GGA1: variants seen among roughly 807,000 people sequenced by gnomAD.
GGA1 encodes the protein ADP-ribosylation factor-binding protein GGA1.
A neutral mutation model predicts 76.9 loss-of-function variants in GGA1; 18 were observed. The observed-to-expected ratio is 0.23, with a 90% CI of 0.16 to 0.35. The LOEUF (loss-of-function observed/expected upper bound fraction) is 0.35, where lower values mean the gene tolerates loss of function less well. GGA1 is among the 10% of genes least tolerant of loss of function. The pLI, the probability that GGA1 is intolerant of heterozygous loss-of-function variation, is 1.00. For synonymous variants in GGA1, 342 were observed against 354.7 expected, an observed-to-expected ratio of 0.96 and a Z score of 0.40; for missense variants, 755 against 859.0, an observed-to-expected ratio of 0.88 and a Z score of 1.51.
intron 2 of GGA1, among the ~76,000 whole-genome samples, chr22:37,616,252 C>T (rs1452585026): frequency 6.6e-6 from 1 of 152,164 alleles, no homozygotes; most frequent in Admixed American, 6.6e-5. Context: ...CCTGTCCCCT[C>T]TCTTAGCTGA....
Position 37,632,415 on chromosome 22 carries a change from TG to T in GGA1, c.1710del (p.Lys571SerfsTer120). The T allele has an allele frequency of 6.2e-7, 1 of 1,610,648 alleles. No individual in the cohort carries two copies. The highest frequency in any genetic ancestry group is 1.1e-5 in the South Asian group (1 of 91,028). On this transcript the variant is annotated frameshift_variant, in exon 16 of 17. Transcript: ENST00000343632. LOFTEE classifies it high-confidence loss of function. This position sits in a 1 kb window ranked among gnomAD's most constrained non-coding sequence, Gnocchi z 5.1. The part of the protein sequence containing the change: ...FQSAVPKVMK[V>X]KLQPPSGTEL... Reference sequence around the variant, plus strand: ...GCCATCTGCCCACAGGTTATGAAGGTGAAGCTGCAGCCACCCTCGGGCACGG... The same window carrying T: ...GCCATCTGCCCACAGGTTATGAAGGTAAGCTGCAGCCACCCTCGGGCACGG...
At chr22:37,616,238 G>A (rs189331332) in intron 2 of GGA1, among the ~76,000 whole-genome samples, 142 of 152,286 alleles carry the variant, frequency 9.3e-4, no homozygotes, top group Admixed American at 2.2e-3. Context: ...GCTTGGGTAC[G>A]AGTCCTGTCC....
chr22:37,629,978 C>G lies in GGA1; in HGVS notation c.1159-20C>G, dbSNP rs774591002. The G allele has an allele frequency of 6.6e-7, 1 of 1,525,658 alleles. No homozygotes were observed. The highest frequency in any genetic ancestry group is 8.9e-7 in the Non-Finnish European group (1 of 1,129,510). 94.5% of individuals were successfully genotyped at this position (1,525,658 alleles called of 1,614,324 possible). ...ACCTCTCTAGACAGCCCCACCCCAC[C>G]TGCATCCTTTTCCCCACAGTCGTCG... On this transcript the variant is annotated intron_variant, in intron 12 of 16. Coordinates refer to ENST00000343632, the MANE Select transcript of GGA1 (RefSeq NM_013365.5).
Position 37,615,795 on chromosome 22 carries a change from C to G in GGA1, c.129-1127C>G, listed in dbSNP as rs201310627. Among the ~76,000 whole-genome samples, 101 of 152,202 alleles carry G rather than the reference C, an allele frequency of 6.6e-4. No individual in the cohort carries two copies. The East Asian group carries it at 0.017, about 26-fold the overall frequency. ...AATAAAGTAAATGCACCTTCTTGGGCTGCCCCCAGACTCGACTGTCCAGTG... is the reference window on the plus strand; with the variant it reads ...AATAAAGTAAATGCACCTTCTTGGGGTGCCCCCAGACTCGACTGTCCAGTG... On this transcript the variant is annotated intron_variant, in intron 2 of 16. Transcript: ENST00000343632.
Position 37,624,416 on chromosome 22 carries a change from A to T in GGA1, c.833-553A>T, listed in dbSNP as rs187806230. The stretch of plus-strand genomic sequence containing the variant: ...AGTTCAAGACCAGCCTGGGTAACAT[A>T]GAGAGACCCAGTCTCTATTTCAAAT... On this transcript the variant is annotated intron_variant, in intron 9 of 16. Transcript: ENST00000343632. The surrounding 1 kb of genome is among the most constrained non-coding windows in gnomAD (Gnocchi z 4.3). The T allele has an allele frequency of 6.6e-6, 1 of 152,234 alleles. No homozygotes were observed. The highest frequency in any genetic ancestry group is 6.5e-5 in the Admixed American group (1 of 15,334). The allele number at this position is 152,234 out of a possible 1,614,324, so 9.4% of individuals were successfully genotyped here.
rs748909656 is a variant in GGA1, at chr22:37,632,868, C to T, written c.*157C>T. On this transcript the variant is annotated 3_prime_UTR_variant, in exon 17 of 17. Transcript: ENST00000343632. The surrounding 1 kb of genome is among the most constrained non-coding windows in gnomAD (Gnocchi z 5.1). Reference sequence around the variant, plus strand: ...CCCCTGTAGGCCTCAAGTGACTCTTCCCCCTCCTGCTCCGGCCCCGCCCCT... The same window carrying T: ...CCCCTGTAGGCCTCAAGTGACTCTTTCCCCTCCTGCTCCGGCCCCGCCCCT... 21 of 607,106 alleles carry T rather than the reference C, an allele frequency of 3.5e-5. No individual in the cohort carries two copies. The highest frequency in any genetic ancestry group is 6.2e-5 in the Non-Finnish European group (21 of 336,394). 37.6% of individuals were successfully genotyped at this position (607,106 alleles called of 1,614,324 possible).
chr22:37,614,670 A>G (rs911615884), intron 2 of GGA1, among the ~76,000 whole-genome samples: 20 of 152,162 alleles, frequency 1.3e-4, no homozygotes, highest in African/African-American at 4.6e-4. Flanking sequence ...AACCAGAACT[A>G]CCTGTGTTAG....
chr22:37,618,500 G>A lies in GGA1; in HGVS notation c.257G>A (p.Gly86Asp), dbSNP rs1929241502. The A allele has an allele frequency of 6.2e-7, 1 of 1,613,556 alleles. No homozygotes were observed. Among genetic ancestry groups the A allele is most frequent in the Non-Finnish European group, 8.5e-7 (1 of 1,179,484 alleles). Residue 86 changes from glycine (G) to aspartate (D), a missense_variant, in exon 4 of 17, where the codon GGC (glycine) becomes GAC (aspartate). By Grantham distance (94) the Gly-to-Asp change is moderately conservative (BLOSUM62 -1). Transcript: ENST00000343632. ...GGCAAGCGGTTCCACGACGAAGTGG[G>A]CAAGTTCCGCTTTCTCAACGAGCTC... Reference protein sequence around the residue: ...SCGKRFHDEVGKFRFLNELIK... With the variant: ...SCGKRFHDEVDKFRFLNELIK...
chr22:37,629,973 C>T (rs749824564), intron 12 of GGA1, 25 bp from the exon 13 acceptor site: 10 of 1,511,102 alleles, frequency 6.6e-6, no homozygotes, highest in Non-Finnish European at 8.0e-6. Flanking sequence ...ACAGCCCCAC[C>T]CCACCTGCAT....
At chr22:37,613,236 T>C (rs1053819977) in intron 1 of GGA1, 7 of 870,338 alleles carry the variant, frequency 8.0e-6, no homozygotes, top group African/African-American at 1.8e-5. Context: ...CTCTGCCTCG[T>C]GTGGTTACCC....
rs976537118 is a variant in GGA1 at position 37,623,619 on chromosome 22, A to G, written c.818A>G (p.Asn273Ser). 6.3e-7 allele frequency: 1 copy of G among 1,585,936 alleles called. No individual in the cohort carries two copies. Among genetic ancestry groups the G allele is most frequent in the East Asian group, 2.3e-5 (1 of 43,516 alleles). ...LFRLASDTED[N>S]DEALAEILQA... is the part of the protein sequence containing the mutation. ...CGACTGGCGAGTGACACAGAGGACAATGATGAGGCCTTAGGTGAGCCCAGG... is the reference window on the plus strand; with the variant it reads ...CGACTGGCGAGTGACACAGAGGACAGTGATGAGGCCTTAGGTGAGCCCAGG... Residue 273 changes from asparagine to serine, a missense_variant, in exon 9 of 17, where the codon AAT becomes AGT. Transcript: ENST00000343632. The surrounding 1 kb of genome is among the most constrained non-coding windows in gnomAD (Gnocchi z 4.6).
Position 37,616,940 on chromosome 22 carries a change from G to A in GGA1, c.147G>A (p.Arg49=). The change falls in exon 3 of 17, where the codon CGG becomes CGA. Residue 49 remains arginine, a synonymous_variant. Coordinates refer to ENST00000343632, the MANE Select transcript of GGA1 (RefSeq NM_013365.5). ...CACCCAGGCCTCCACTCGCCACCCGGCTGCTGGCCCACAAGATCCAGTCCC... is the reference window on the plus strand; with the variant it reads ...CACCCAGGCCTCCACTCGCCACCCGACTGCTGGCCCACAAGATCCAGTCCC... ...EDFEGPPLAT[R]LLAHKIQSPQ... 1 of 1,607,428 alleles carries A rather than the reference G, an allele frequency of 6.2e-7. No individual in the cohort carries two copies. Among genetic ancestry groups the A allele is most frequent in the Non-Finnish European group, 8.5e-7 (1 of 1,177,198 alleles).
chr22:37,627,921 G>A (rs1048455270), intron 11 of GGA1, among the ~76,000 whole-genome samples: 11 of 152,194 alleles, frequency 7.2e-5, no homozygotes, highest in African/African-American at 2.4e-4. Flanking sequence ...AACCTCCCCC[G>A]TCTCAAGTGA....
Position 37,621,687 on chromosome 22 carries a change from G to T in GGA1, c.600G>T (p.Met200Ile). ...CAGCCAATAAGCTCATCAAAGAGAT[G>T]GTGCAGGAGGTAGCGGCCGAGCCCA... ...LRAANKLIKEMVQEDQKRMEK... is the reference protein window; with the variant it reads ...LRAANKLIKEIVQEDQKRMEK... Residue 200 changes from methionine to isoleucine, a missense_variant, in exon 7 of 17, where the codon ATG (methionine) becomes ATT (isoleucine). Met to Ile is a conservative substitution (Grantham distance 10). Coordinates refer to ENST00000343632, the MANE Select transcript of GGA1 (RefSeq NM_013365.5). The T allele has an allele frequency of 6.4e-7, 1 of 1,554,734 alleles. No individual in the cohort carries two copies. The highest frequency in any genetic ancestry group is 8.7e-7 in the Non-Finnish European group (1 of 1,148,134).
chr22:37,615,879 C>T lies in GGA1; in HGVS notation c.129-1043C>T, dbSNP rs1009878546. On this transcript the variant is annotated intron_variant, in intron 2 of 16. Coordinates refer to ENST00000343632, the MANE Select transcript of GGA1 (RefSeq NM_013365.5). ...TTTTTGAGATGGAGTCTCGCTCTGT[C>T]GCCCAGGCTGGAGTGCATTGGCACG... Among the ~76,000 whole-genome samples the T allele has an allele frequency of 9.2e-5, 14 of 151,558 alleles. No individual in the cohort carries two copies. In the Middle Eastern group the frequency reaches 0.01, roughly 112 times the overall value.
intron 2 of GGA1, among the ~76,000 whole-genome samples, chr22:37,615,184 G>A (rs1272279472): frequency 1.3e-5 from 2 of 152,060 alleles, no homozygotes; most frequent in South Asian, 2.1e-4. Flanking sequence ...GGTGGCTCAC[G>A]CCTGTAATCC....
In GGA1 at chr22:37,631,059, A is replaced by G; in HGVS notation, c.1488A>G (p.Ser496=). The part of the protein sequence containing the change: ...PPQQPVPTEL[S]LASITVPLES... ...AGCAGCCCGTACCAACCGAGCTCTC[A>G]CTGGCCAGCATCACTGTGCCCCTGG... Residue 496 remains serine (S), a synonymous_variant, in exon 14 of 17, where the codon TCA becomes TCG. Transcript: ENST00000343632. The G allele has an allele frequency of 6.2e-7, 1 of 1,607,478 alleles. No homozygotes were observed. Among genetic ancestry groups the G allele is most frequent in the Non-Finnish European group, 8.5e-7 (1 of 1,177,692 alleles).
At chr22:37,609,312 C>A in intron 1 of GGA1, 3 of 1,109,604 alleles carry the variant, frequency 2.7e-6, no homozygotes, top group Non-Finnish European at 3.3e-6. Context: ...ATTTTCAGGC[C>A]CCGAATCCTC....
intron 2 of GGA1, among the ~76,000 whole-genome samples, chr22:37,615,984 G>T (rs2145904372): frequency 6.6e-6 from 1 of 152,040 alleles, no homozygotes; most frequent in Middle Eastern, 3.4e-3. Context: ...GGGACTACAG[G>T]CGCCTGCCAC....
Sources: gnomAD v4.1 joint callset for allele counts (sites outside exome capture counted in the v4.1 genomes callset) on GRCh38, gnomAD v4.1.1 for gene constraint, Gnocchi (gnomAD v3.1) non-coding constraint, MANE v1.5 for transcripts, NCBI Gene and HGNC (gene_info 2026-07-23, HGNC 2026-07-21) for gene names.